DGKB: variants seen among roughly 807,000 people sequenced by gnomAD.
DGKB encodes diacylglycerol kinase beta.
DGKB carries 67 observed loss-of-function variants against 114.3 expected under a neutral mutation model. That is an observed-to-expected ratio of 0.59 (90% CI 0.48 to 0.72). The LOEUF (loss-of-function observed/expected upper bound fraction) is 0.72. Ranked by LOEUF, DGKB falls within the 30% of genes least tolerant of loss-of-function variation. DGKB has a pLI of 0.00. For missense variants in DGKB, 907 were observed against 975.2 expected (o/e 0.93, Z 0.93); for synonymous variants, 398 against 323.1 (o/e 1.23, Z -2.49).
In DGKB at chr7:14,615,469, T is replaced by C. The variant is rs1473339878; in HGVS notation, c.1285-2056A>G. Reference sequence around the variant, plus strand: ...TTGTATTTTAAGTTATATACTGTTATGAACAAATAAATATCCCACTGGAAT... The same window carrying C: ...TTGTATTTTAAGTTATATACTGTTACGAACAAATAAATATCCCACTGGAAT... On this transcript the variant is annotated intron_variant, in intron 15 of 25. Coordinates refer to ENST00000402815, the MANE Select transcript of DGKB (RefSeq NM_001350709.2). 4.0e-5 allele frequency among the ~76,000 whole-genome samples: 6 copies of C among 151,824 alleles called. No homozygotes were observed. The South Asian group carries it at 6.2e-4, about 16-fold the overall frequency.
chr7:14,782,541 A>T (rs1472323667), intron 2 of DGKB, among the ~76,000 whole-genome samples: 1 of 152,222 alleles, frequency 6.6e-6, no homozygotes, highest in Non-Finnish European at 1.5e-5. Flanking sequence ...AGAAACCAAA[A>T]GAAATATTAA....
At chr7:14,790,220 G>GTATGTTCTC (rs1267571144) in intron 2 of DGKB, among the ~76,000 whole-genome samples, 20 of 152,132 alleles carry the variant, frequency 1.3e-4, no homozygotes, top group Admixed American at 1.3e-3. Context: ...TGTTTTCCAA[G>GTATGTTCTC]TATGTTCTCC....
chr7:14,535,806 C>G (rs772720159), intron 20 of DGKB, among the ~76,000 whole-genome samples: 1 of 151,958 alleles, frequency 6.6e-6, no homozygotes, highest in African/African-American at 2.4e-5. Context: ...AGGATGGTCT[C>G]GAACTCTTGC....
In DGKB at chr7:14,718,651, G is replaced by T; in HGVS notation, c.357C>A (p.Pro119=). The T allele has an allele frequency of 1.2e-6, 2 of 1,611,848 alleles. No homozygotes were observed. Residue 119 remains proline (P), a synonymous_variant, in exon 6 of 26, where the codon CCC becomes CCA. Transcript: ENST00000402815. ...ACGTATTTGCAGGAGAAGTAGTCCG[G>T]GGAGGGGTGATGGCACCTTTATTCA... The part of the protein sequence containing the change: ...LRMNKGAITP[P]RTTSPANTCS...
intron 21 of DGKB, among the ~76,000 whole-genome samples, chr7:14,409,366 A>G (rs539907212): frequency 2.6e-5 from 4 of 152,246 alleles, no homozygotes; most frequent in African/African-American, 7.2e-5. Flanking sequence ...AATGCTACTA[A>G]GGATGCTTGA....
At chr7:14,207,219 C>T (rs143726723) in intron 23 of DGKB, among the ~76,000 whole-genome samples, 7 of 152,102 alleles carry the variant, frequency 4.6e-5, no homozygotes, top group East Asian at 3.9e-4. Context: ...ACATATGATC[C>T]GATAGCACCT....
chr7:14,929,708 A>C (rs1784908642), intron 1 of DGKB, among the ~76,000 whole-genome samples: 1 of 152,086 alleles, frequency 6.6e-6, no homozygotes, highest in Non-Finnish European at 1.5e-5. Context: ...TTTGCTGTGT[A>C]GAAGCTGTTT....
intron 21 of DGKB, among the ~76,000 whole-genome samples, chr7:14,387,735 A>G (rs1308077213): frequency 6.6e-6 from 1 of 152,144 alleles, no homozygotes; most frequent in Non-Finnish European, 1.5e-5. Context: ...GTTTAGAGCT[A>G]TAAACTTAAA....
intron 13 of DGKB, among the ~76,000 whole-genome samples, chr7:14,654,092 C>T (rs1005587870): frequency 6.6e-6 from 1 of 152,008 alleles, no homozygotes; most frequent in Non-Finnish European, 1.5e-5. Flanking sequence ...AGGATGTCAA[C>T]TTATCCCTCC....
intron 16 of DGKB, among the ~76,000 whole-genome samples, chr7:14,611,236 A>G (rs1446683391): frequency 1.3e-5 from 2 of 152,100 alleles, no homozygotes; most frequent in Non-Finnish European, 2.9e-5. Flanking sequence ...AACCTGTAAT[A>G]TATGGTATTG....
At chr7:14,710,786 G>A (rs1417035621) in intron 6 of DGKB, among the ~76,000 whole-genome samples, 12 of 151,912 alleles carry the variant, frequency 7.9e-5, no homozygotes, top group African/African-American at 2.9e-4. Context: ...TTCTCTTAAT[G>A]TGGCATAATA....
intron 21 of DGKB, among the ~76,000 whole-genome samples, chr7:14,360,040 A>G (rs1029886311): frequency 6.6e-6 from 1 of 152,204 alleles, no homozygotes; most frequent in South Asian, 2.1e-4. Context: ...CACTATTCAC[A>G]ATACAAAGAC....
chr7:14,582,399 C>A (rs752023577), intron 18 of DGKB, among the ~76,000 whole-genome samples: 47 of 152,128 alleles, frequency 3.1e-4, no homozygotes, highest in Non-Finnish European at 5.7e-4. Flanking sequence ...TCATAAAAAT[C>A]GAGCGTTTTC....
At chr7:14,969,917 C>T (rs1367847136) in intron 1 of DGKB, among the ~76,000 whole-genome samples, 1 of 152,130 alleles carries the variant, frequency 6.6e-6, no homozygotes, top group Non-Finnish European at 1.5e-5. Flanking sequence ...TCTACTGACA[C>T]ATTATGACAT....
intron 20 of DGKB, among the ~76,000 whole-genome samples, chr7:14,573,171 G>A (rs552183280): frequency 6.6e-6 from 1 of 152,088 alleles, no homozygotes; most frequent in Non-Finnish European, 1.5e-5. Flanking sequence ...GAATAGGAGG[G>A]CTTCTCTGGA....
intron 13 of DGKB, among the ~76,000 whole-genome samples, chr7:14,668,096 A>G (rs891815414): frequency 6.6e-6 from 1 of 152,022 alleles, no homozygotes; most frequent in African/African-American, 2.4e-5. Flanking sequence ...TTTAAGAGTG[A>G]GAGGGACTTA....
chr7:14,259,382 TC>T (rs1796406010), intron 23 of DGKB, among the ~76,000 whole-genome samples: 4 of 80,770 alleles, frequency 5.0e-5, no homozygotes, highest in Non-Finnish European at 5.5e-5. Context: ...GTAAAGTTTC[TC>T]TCTCTCTCTC....
chr7:14,604,552 A>G lies in DGKB; in HGVS notation c.1433+2882T>C, dbSNP rs1180894427. 2.6e-5 allele frequency among the ~76,000 whole-genome samples: 4 copies of G among 152,172 alleles called. No homozygotes were observed. The South Asian group carries it at 6.2e-4, about 24-fold the overall frequency. ...TTCAAGAGTATGCATTCAAAAACCTATTGTTAGCATTGGAAAAGTAATAAA... is the reference window on the plus strand; with the variant it reads ...TTCAAGAGTATGCATTCAAAAACCTGTTGTTAGCATTGGAAAAGTAATAAA... On this transcript the variant is annotated intron_variant, in intron 17 of 25. Transcript: ENST00000402815.
intron 21 of DGKB, among the ~76,000 whole-genome samples, chr7:14,443,937 T>C (rs1043922350): frequency 7.9e-5 from 12 of 151,810 alleles, no homozygotes; most frequent in African/African-American, 2.7e-4. Flanking sequence ...CTCTACTTAA[T>C]ATTTAATTTC....
Sources: gnomAD v4.1 joint callset for allele counts (sites outside exome capture counted in the v4.1 genomes callset) on GRCh38, gnomAD v4.1.1 for gene constraint, MANE v1.5 for transcripts, NCBI Gene and HGNC (gene_info 2026-07-23, HGNC 2026-07-21) for gene names.